The following ERFL variants were observed in gnomAD, a reference collection of about 807,000 sequenced individuals.
ERFL encodes the protein ETS domain-containing transcription factor ERF-like.
ERFL carries 8 observed loss-of-function variants against 27.9 expected under a neutral mutation model. The ratio of observed to expected loss-of-function variants is 0.29; its 90% confidence interval spans 0.17 to 0.52. ERFL has a LOEUF of 0.52. ERFL is among the 20% of genes least tolerant of loss of function. ERFL has a pLI of 0.97. For missense variants in ERFL, 294 were observed against 444.4 expected, an observed-to-expected ratio of 0.66 and a Z score of 3.04; for synonymous variants, 174 against 202.8, an observed-to-expected ratio of 0.86 and a Z score of 1.21.
Position 41,909,438 on chromosome 19 carries a change from G to A in ERFL, c.336C>T (p.Thr112=), listed in dbSNP as rs2074740498. 6.5e-6 allele frequency: 8 copies of A among 1,237,976 alleles called. No individual in the cohort carries two copies. The highest frequency in any genetic ancestry group is 7.1e-6 in the Non-Finnish European group (7 of 990,662). 76.7% of individuals were successfully genotyped at this position (1,237,976 alleles called of 1,614,324 possible). A position where few individuals can be genotyped will look rare whatever the true frequency, so the allele number is the denominator to read the frequency against. The change falls in exon 4 of 6, where the codon ACC becomes ACT. Residue 112 remains threonine, a synonymous_variant. Transcript: ENST00000597630. This position sits in a 1 kb window ranked among gnomAD's most constrained non-coding sequence, Gnocchi z 5.2. ...ACTTGTAGGTGAACCTCTTCCCTTT[G>A]GTCTTGTGGAGAATCCGCTTGTTGT... The part of the protein sequence containing the change: ...YYYNKRILHK[T]KGKRFTYKFN...
chr19:41,925,447 T>C (rs2074866087), intron 1 of ERFL, among the ~76,000 whole-genome samples: 1 of 151,812 alleles, frequency 6.6e-6, no homozygotes, highest in South Asian at 2.1e-4. Context: ...TGTAAAGTAA[T>C]GTTGTGTATA....
In ERFL at chr19:41,921,061, G is replaced by A. The variant is rs2074839213; in HGVS notation, c.-14+6979C>T. ...TGGTGTCAGTTGAGGGGTGGCGAGG[G>A]AGCGTCCCCGGGGAGGTGGGAGCCG... On this transcript the variant is annotated intron_variant, in intron 1 of 5. Transcript: ENST00000597630. This position sits in a 1 kb window ranked among gnomAD's most constrained non-coding sequence, Gnocchi z 4.4. 1.3e-5 allele frequency among the ~76,000 whole-genome samples: 2 copies of A among 152,210 alleles called. No homozygotes were observed. Among genetic ancestry groups the A allele is most frequent in the South Asian group, 2.1e-4 (1 of 4,836 alleles).
chr19:41,917,715 C>T lies in ERFL; in HGVS notation c.-13-4783G>A, dbSNP rs1011180304. On this transcript the variant is annotated intron_variant, in intron 1 of 5. Transcript: ENST00000597630. This position sits in a 1 kb window ranked among gnomAD's most constrained non-coding sequence, Gnocchi z 4.8. The stretch of plus-strand genomic sequence containing the variant: ...CACACGTTCAGGCACAATCTGGGGA[C>T]ATATCTCTCCTTACGCCACACGCCC... Among the ~76,000 whole-genome samples the T allele has an allele frequency of 2.2e-4, 33 of 151,616 alleles. No individual in the cohort carries two copies. The highest frequency in any genetic ancestry group is 7.8e-4 in the African/African-American group (32 of 41,140).
chr19:41,908,712 T>A lies in ERFL; in HGVS notation c.617-36A>T. The A allele has an allele frequency of 4.4e-6, 5 of 1,134,780 alleles. No homozygotes were observed. Among genetic ancestry groups the A allele is most frequent in the Non-Finnish European group, 5.6e-6 (5 of 899,434 alleles). 70.3% of individuals were successfully genotyped at this position (1,134,780 alleles called of 1,614,324 possible). ...CAGGGGTAGGTCAGGCTGGGGCACC[T>A]GCCTGCCTGGGGACCAGTAAAGGGG... On this transcript the variant is annotated intron_variant, in intron 5 of 5. Coordinates refer to ENST00000597630, the MANE Select transcript of ERFL (RefSeq NM_001365103.2). The surrounding 1 kb of genome is among the most constrained non-coding windows in gnomAD (Gnocchi z 6.7).
Position 41,916,041 on chromosome 19 carries a change from C to T in ERFL, c.-13-3109G>A, listed in dbSNP as rs577307508. 1.3e-5 allele frequency among the ~76,000 whole-genome samples: 2 copies of T among 152,054 alleles called. No homozygotes were observed. The highest frequency in any genetic ancestry group is 4.8e-5 in the African/African-American group (2 of 41,384). ...CCCCCCCTTCGCCCCCCATCTCTAC[C>T]GCCCGCAGCCATGGCACCGAATGTG... On this transcript the variant is annotated intron_variant, in intron 1 of 5. Transcript: ENST00000597630. The surrounding 1 kb of genome is among the most constrained non-coding windows in gnomAD (Gnocchi z 5.4).
Position 41,910,105 on chromosome 19 carries a change from C to T in ERFL, c.68-8G>A, listed in dbSNP as rs1358002772. On this transcript the variant is annotated splice_region_variant and splice_polypyrimidine_tract_variant and intron_variant, in intron 2 of 5. Transcript: ENST00000597630. The surrounding 1 kb of genome is among the most constrained non-coding windows in gnomAD (Gnocchi z 4.4). ...AATCCGGGAAGGCAAACCCTGGGGA[C>T]GGGAGGCAGGGAGTGGCCTGGGGTC... 33 of 1,609,326 alleles carry T rather than the reference C, an allele frequency of 2.1e-5. No individual in the cohort carries two copies. Among genetic ancestry groups the T allele is most frequent in the African/African-American group, 9.4e-5 (7 of 74,744 alleles).
chr19:41,918,011 A>G (rs2145899066), intron 1 of ERFL, among the ~76,000 whole-genome samples: 1 of 151,800 alleles, frequency 6.6e-6, no homozygotes, highest in East Asian at 1.9e-4. Context: ...CCGGCCCTCG[A>G]CAGGCACCAG....
rs1386942729 is a variant in ERFL at position 41,921,732 on chromosome 19, G to A, written c.-14+6308C>T. Among the ~76,000 whole-genome samples, 1 of 152,082 alleles carries A rather than the reference G, an allele frequency of 6.6e-6. No homozygotes were observed. The highest frequency in any genetic ancestry group is 2.4e-5 in the African/African-American group (1 of 41,388). The stretch of plus-strand genomic sequence containing the variant: ...GCAGGCGAGCCCGGCCCTGGAGGTG[G>A]AGTGGAAGGCTCAGGTGTAGGCCGG... On this transcript the variant is annotated intron_variant, in intron 1 of 5. Coordinates refer to ENST00000597630, the MANE Select transcript of ERFL (RefSeq NM_001365103.2). The surrounding 1 kb of genome is among the most constrained non-coding windows in gnomAD (Gnocchi z 4.4).
intron 1 of ERFL, among the ~76,000 whole-genome samples, chr19:41,918,232 TACACACCACAA>T (rs1397404629): frequency 6.6e-6 from 1 of 151,238 alleles, no homozygotes; most frequent in African/African-American, 2.4e-5. Flanking sequence ...ATACCACATA[TACACACCACAA>T]ACACACCATA....
chr19:41,912,016 G>C (rs782680457), intron 2 of ERFL, among the ~76,000 whole-genome samples: 2 of 151,728 alleles, frequency 1.3e-5, no homozygotes, highest in Middle Eastern at 3.2e-3. Flanking sequence ...CATGCGGAAC[G>C]CCACACAACC....
intron 1 of ERFL, among the ~76,000 whole-genome samples, chr19:41,915,187 C>A (rs1022603506): frequency 7.3e-6 from 1 of 136,282 alleles, no homozygotes; most frequent in African/African-American, 2.8e-5. Flanking sequence ...TTTCTCTTCC[C>A]GACGCTTTCA....
chr19:41,917,644 A>ACACG lies in ERFL; in HGVS notation c.-13-4716_-13-4713dup, dbSNP rs1410721789. 2.1e-5 allele frequency among the ~76,000 whole-genome samples: 3 copies of ACACG among 142,724 alleles called. No homozygotes were observed. The highest frequency in any genetic ancestry group is 4.8e-5 in the Non-Finnish European group (3 of 62,038). 93.6% of individuals were successfully genotyped at this position (142,724 alleles called of 152,430 possible). On this transcript the variant is annotated intron_variant, in intron 1 of 5. Coordinates refer to ENST00000597630, the MANE Select transcript of ERFL (RefSeq NM_001365103.2). The surrounding 1 kb of genome is among the most constrained non-coding windows in gnomAD (Gnocchi z 4.8). ...GCATGCACACACCATGCCCCAAAGC[A>ACACG]CACGCACGCACGCACACACACACCC...
chr19:41,914,449 T>A (rs2074774688), intron 1 of ERFL, among the ~76,000 whole-genome samples: 1 of 151,318 alleles, frequency 6.6e-6, no homozygotes, highest in Non-Finnish European at 1.5e-5. Flanking sequence ...TGTTTCTCCA[T>A]CTCTCACCCC....
In ERFL at chr19:41,908,726, C is replaced by T; in HGVS notation, c.617-50G>A. 1 of 1,022,828 alleles carries T rather than the reference C, an allele frequency of 9.8e-7. No homozygotes were observed. The allele number at this position is 1,022,828 out of a possible 1,614,324, so 63.4% of individuals were successfully genotyped here. A position where few individuals can be genotyped will look rare whatever the true frequency, so the allele number is the denominator to read the frequency against. ...GCTGGGGCACCTGCCTGCCTGGGGA[C>T]CAGTAAAGGGGGCTGCCTCCCTGCC... On this transcript the variant is annotated intron_variant, in intron 5 of 5. Transcript: ENST00000597630. The surrounding 1 kb of genome is among the most constrained non-coding windows in gnomAD (Gnocchi z 6.7).
chr19:41,918,279 C>G lies in ERFL; in HGVS notation c.-13-5347G>C, dbSNP rs547494580. The stretch of plus-strand genomic sequence containing the variant: ...CATACACACCCCCACCACACACATA[C>G]CCACCACATACACCACAGACACACC... On this transcript the variant is annotated intron_variant, in intron 1 of 5. Transcript: ENST00000597630. 2.0e-5 allele frequency among the ~76,000 whole-genome samples: 3 copies of G among 151,424 alleles called. No homozygotes were observed. In the South Asian group the frequency reaches 6.2e-4, roughly 32 times the overall value.
At chr19:41,920,318 CCAGACGTGACACACT>C (rs1440853602) in intron 1 of ERFL, among the ~76,000 whole-genome samples, 13 of 141,228 alleles carry the variant, frequency 9.2e-5, no homozygotes, top group African/African-American at 2.1e-4. Context: ...CATGACATGC[CCAGACGTGACACACT>C]CAGACGTGAT....
chr19:41,919,555 A>T (rs2074825149), intron 1 of ERFL, among the ~76,000 whole-genome samples: 1 of 151,830 alleles, frequency 6.6e-6, no homozygotes, highest in East Asian at 1.9e-4. Context: ...CTGAACCCAG[A>T]CTCAGACACA....
At chr19:41,920,500 G>A (rs965023171) in intron 1 of ERFL, among the ~76,000 whole-genome samples, 4 of 143,300 alleles carry the variant, frequency 2.8e-5, no homozygotes, top group East Asian at 2.1e-4. Context: ...CAGACATGAC[G>A]CACTCAGACA....
chr19:41,907,849 T>G lies in ERFL; in HGVS notation c.*379A>C. ...TGAGCTCCCTGTCCCCAGGGGGGCCTATATGGGGGGGGTGTCAGGACTGGG... is the reference window on the plus strand; with the variant it reads ...TGAGCTCCCTGTCCCCAGGGGGGCCGATATGGGGGGGGTGTCAGGACTGGG... On this transcript the variant is annotated 3_prime_UTR_variant, in exon 6 of 6. Transcript: ENST00000597630. The G allele has an allele frequency of 6.6e-6, 1 of 152,126 alleles. No individual in the cohort carries two copies. The highest frequency in any genetic ancestry group is 5.5e-5 in the African/African-American group (1 of 18,314). 9.4% of individuals were successfully genotyped at this position (152,126 alleles called of 1,614,324 possible).
Sources: gnomAD v4.1 joint callset for allele counts (sites outside exome capture counted in the v4.1 genomes callset) on GRCh38, gnomAD v4.1.1 for gene constraint, Gnocchi (gnomAD v3.1) non-coding constraint, MANE v1.5 for transcripts, NCBI Gene and HGNC (gene_info 2026-07-23, HGNC 2026-07-21) for gene names.